CGNL1: variants seen among roughly 807,000 people sequenced by gnomAD.
The protein encoded by CGNL1 is cingulin like 1.
In CGNL1, 132 loss-of-function variants were observed where a neutral mutation model predicts 141.2. The ratio of observed to expected loss-of-function variants is 0.93; its 90% CI spans 0.81 to 1.08. The LOEUF (loss-of-function observed/expected upper bound fraction) is 1.08, where lower values mean the gene tolerates loss of function less well. CGNL1 is among the 50% of genes least tolerant of loss of function. The pLI is 0.00. For missense variants in CGNL1, 1,870 were observed against 1,588.6 expected, an observed-to-expected ratio of 1.18 and a Z score of -3.01; for synonymous variants, 690 against 622.1, an observed-to-expected ratio of 1.11 and a Z score of -1.63.
At chr15:57,535,058 C>G (rs1276924870) in intron 14 of CGNL1, among the ~76,000 whole-genome samples, 2 of 152,148 alleles carry the variant, frequency 1.3e-5, no homozygotes, top group African/African-American at 4.8e-5. Flanking sequence ...TTAGATCTGG[C>G]AAGGACCTCA....
chr15:57,419,484 A>C (rs537070133), intron 1 of CGNL1, among the ~76,000 whole-genome samples: 2 of 152,168 alleles, frequency 1.3e-5, no homozygotes, highest in Admixed American at 1.3e-4. Flanking sequence ...TACTACATTT[A>C]GTTGTCATGT....
chr15:57,428,439 G>C (rs551644755), intron 1 of CGNL1, among the ~76,000 whole-genome samples: 164 of 152,292 alleles, frequency 1.1e-3, no homozygotes, highest in Admixed American at 3.5e-3. Context: ...CAGACAAGAT[G>C]GTACAAAGAA....
chr15:57,395,947 C>T (rs2152240308), intron 1 of CGNL1, among the ~76,000 whole-genome samples: 1 of 152,296 alleles, frequency 6.6e-6, no homozygotes, highest in Non-Finnish European at 1.5e-5. Context: ...TATTTTTCAA[C>T]AAAGTTGCCT....
At chr15:57,507,993 G>A (rs912593602) in intron 8 of CGNL1, among the ~76,000 whole-genome samples, 7 of 152,136 alleles carry the variant, frequency 4.6e-5, no homozygotes, top group Non-Finnish European at 7.4e-5. Flanking sequence ...AATTGTTAGC[G>A]GGATCTGGTC....
In CGNL1 at chr15:57,516,996, GCTGGGCCCAGGCCCAGC is replaced by G. The variant is rs2030865346; in HGVS notation, c.2610+11_2610+27del. The G allele has an allele frequency of 1.2e-6, 2 of 1,608,992 alleles. No homozygotes were observed. The highest frequency in any genetic ancestry group is 2.2e-5 in the South Asian group (2 of 90,422). ...GCTGAAGAAGTACGAGGTGAGGCTC[GCTGGGCCCAGGCCCAGC>G]TTTGGCAGCTGCTGCTCCTTCTTTC... On this transcript the variant is annotated intron_variant, in intron 9 of 18. Transcript: ENST00000281282.
At chr15:57,391,087 G>A (rs1458659448) in intron 1 of CGNL1, among the ~76,000 whole-genome samples, 5 of 152,156 alleles carry the variant, frequency 3.3e-5, no homozygotes, top group African/African-American at 7.2e-5. Flanking sequence ...GCTTCAGGAG[G>A]TGAGGTGACT....
intron 1 of CGNL1, among the ~76,000 whole-genome samples, chr15:57,436,003 C>T (rs1470119160): frequency 6.6e-6 from 1 of 152,136 alleles, no homozygotes; most frequent in Non-Finnish European, 1.5e-5. Flanking sequence ...TAAAGACCCT[C>T]CAAACAAAAA....
At chr15:57,449,356 C>T (rs1266571787) in intron 4 of CGNL1, among the ~76,000 whole-genome samples, 2 of 152,178 alleles carry the variant, frequency 1.3e-5, no homozygotes, top group Non-Finnish European at 2.9e-5. Flanking sequence ...TTTCTTTCAT[C>T]AGTGAGTTGC....
At chr15:57,415,693 C>T (rs1410104180) in intron 1 of CGNL1, among the ~76,000 whole-genome samples, 1 of 152,176 alleles carries the variant, frequency 6.6e-6, no homozygotes, top group Non-Finnish European at 1.5e-5. Context: ...TTTCACATGT[C>T]CTCCATCACT....
At chr15:57,478,089 GTCTCTGAGT>G (rs1567142854) in intron 8 of CGNL1, 1 of 152,198 alleles carries the variant, frequency 6.6e-6, no homozygotes, top group Admixed American at 6.5e-5. Flanking sequence ...GGTTAATCCT[GTCTCTGAGT>G]TTACGGCTGA....
intron 1 of CGNL1, among the ~76,000 whole-genome samples, chr15:57,425,207 A>G (rs183829608): frequency 1.3e-5 from 2 of 152,284 alleles, no homozygotes; most frequent in African/African-American, 2.4e-5. Flanking sequence ...TTAACAAAAT[A>G]AGAATAATAG....
chr15:57,546,265 G>T lies in CGNL1; in HGVS notation c.3773+26G>T, dbSNP rs571493922. ...GTGGGCAGGTGTGGAGGCCACAGAGGGCCGGGTAATCTCCCCACAGTTGAG... is the reference window on the plus strand; with the variant it reads ...GTGGGCAGGTGTGGAGGCCACAGAGTGCCGGGTAATCTCCCCACAGTTGAG... On this transcript the variant is annotated intron_variant, in intron 18 of 18. Coordinates refer to ENST00000281282, the MANE Select transcript of CGNL1 (RefSeq NM_032866.5). The T allele has an allele frequency of 3.9e-6, 6 of 1,545,334 alleles. No homozygotes were observed. The Admixed American group carries it at 1.2e-4, about 30-fold the overall frequency.
At chr15:57,397,527 A>T (rs2062615542) in intron 1 of CGNL1, among the ~76,000 whole-genome samples, 1 of 152,198 alleles carries the variant, frequency 6.6e-6, no homozygotes, top group South Asian at 2.1e-4. Context: ...ATTAATTTTT[A>T]TAATGCTTCA....
chr15:57,493,870 G>C (rs1193730599), intron 8 of CGNL1, among the ~76,000 whole-genome samples: 1 of 152,200 alleles, frequency 6.6e-6, no homozygotes, highest in Non-Finnish European at 1.5e-5. Context: ...TAGTTATGGA[G>C]CTCCAATTGT....
chr15:57,451,695 A>T (rs28475445), intron 5 of CGNL1, 94 bp downstream of exon 5: 21 of 827,788 alleles, frequency 2.5e-5, no homozygotes, highest in Non-Finnish European at 3.8e-5. Context: ...GTGAAAGCCA[A>T]TTTTTTTTCC....
At chr15:57,504,622 T>G (rs1179148808) in intron 8 of CGNL1, among the ~76,000 whole-genome samples, 1 of 151,814 alleles carries the variant, frequency 6.6e-6, no homozygotes, top group Non-Finnish European at 1.5e-5. Context: ...AGGGTTGGAG[T>G]TGGTTGCTTT....
At chr15:57,439,648 A>C (rs762227322) in intron 2 of CGNL1, 47 bp downstream of exon 2, 1 of 1,558,026 alleles carries the variant, frequency 6.4e-7, no homozygotes, top group Non-Finnish European at 8.8e-7. Flanking sequence ...CTTCCTTCTA[A>C]ATAATGTAAT....
At chr15:57,377,066 G>C (rs1328311538) in intron 1 of CGNL1, 14 of 152,216 alleles carry the variant, frequency 9.2e-5, no homozygotes, top group Admixed American at 9.2e-4. Flanking sequence ...GCGCCGCCCA[G>C]GGAGGTCATC....
intron 13 of CGNL1, among the ~76,000 whole-genome samples, chr15:57,529,437 G>C (rs1331438989): frequency 6.6e-6 from 1 of 152,166 alleles, no homozygotes; most frequent in Non-Finnish European, 1.5e-5. Context: ...TTAGAAAAAT[G>C]TAAATGAAGT....
Sources: allele counts gnomAD v4.1 joint callset (sites outside exome capture counted in the v4.1 genomes callset), GRCh38; gene constraint gnomAD v4.1.1; transcripts MANE v1.5; gene names NCBI Gene and HGNC (gene_info 2026-07-23, HGNC 2026-07-21).